The following CCDC146 variants were observed in gnomAD, a reference collection of about 807,000 sequenced individuals.
CCDC146 encodes the protein coiled-coil domain containing 146.
A neutral mutation model predicts 119.3 loss-of-function variants in CCDC146; 92 were observed. That is an observed-to-expected ratio of 0.77 (90% CI 0.65 to 0.92). The LOEUF is 0.92. Ranked by LOEUF, CCDC146 falls within the 40% of genes least tolerant of loss-of-function variation. CCDC146 has a pLI of 0.00. For missense variants in CCDC146, 1,000 were observed against 1,103.0 expected (o/e 0.91, Z 1.32); for synonymous variants, 372 against 371.8 (o/e 1.00, Z -0.01).
chr7:77,241,950 T>C (rs766871549), intron 4 of CCDC146, 50 bp downstream of exon 4: 38 of 1,424,834 alleles, frequency 2.7e-5, no homozygotes, highest in Middle Eastern at 1.9e-4. Flanking sequence ...TCCTCATAAA[T>C]AGAAAAAAAT....
At chr7:77,273,841 T>C (rs1205881072) in intron 10 of CCDC146, 52 bp downstream of exon 10, 2 of 1,249,522 alleles carry the variant, frequency 1.6e-6, no homozygotes, top group Non-Finnish European at 2.3e-6. Flanking sequence ...TCATACAAAG[T>C]TGTGCTTTTA....
At chr7:77,204,154 T>C (rs1026121861) in intron 2 of CCDC146, among the ~76,000 whole-genome samples, 14 of 152,312 alleles carry the variant, frequency 9.2e-5, no homozygotes, top group African/African-American at 1.7e-4. Flanking sequence ...TAGTTTCTGA[T>C]TTATTAAACT....
intron 2 of CCDC146, 71 bp downstream of exon 2, chr7:77,167,895 A>G: frequency 1.3e-6 from 2 of 1,537,318 alleles, no homozygotes; most frequent in African/African-American, 1.4e-5. Flanking sequence ...AAATGAAGCC[A>G]ATATCATTAT....
chr7:77,132,374 G>A (rs1030081317), intron 1 of CCDC146, among the ~76,000 whole-genome samples: 3 of 151,872 alleles, frequency 2.0e-5, no homozygotes, highest in African/African-American at 7.3e-5. Flanking sequence ...AATGCATCAT[G>A]ACCAAGTGGG....
At chr7:77,156,052 C>T (rs1791173659) in intron 1 of CCDC146, among the ~76,000 whole-genome samples, 1 of 152,114 alleles carries the variant, frequency 6.6e-6, no homozygotes, top group South Asian at 2.1e-4. Context: ...AGGAGAAGGC[C>T]TAGAGCTCTC....
At chr7:77,200,853 ACATCT>A (rs1216605588) in intron 2 of CCDC146, among the ~76,000 whole-genome samples, 3 of 152,242 alleles carry the variant, frequency 2.0e-5, no homozygotes, top group African/African-American at 7.2e-5. Flanking sequence ...TTGCATATTG[ACATCT>A]CATAAGATTT....
intron 1 of CCDC146, among the ~76,000 whole-genome samples, chr7:77,141,269 A>G (rs1375899758): frequency 2.0e-5 from 3 of 152,254 alleles, no homozygotes; most frequent in Admixed American, 6.5e-5. Context: ...TTATGGCTGC[A>G]TAGTATTCCA....
chr7:77,234,245 G>A (rs1191747247), intron 2 of CCDC146, among the ~76,000 whole-genome samples: 1 of 87,926 alleles, frequency 1.1e-5, no homozygotes, highest in Non-Finnish European at 2.1e-5. Context: ...GTGTCCATTT[G>A]TAAAGGCTTT....
intron 2 of CCDC146, among the ~76,000 whole-genome samples, chr7:77,234,355 T>G (rs909942432): frequency 2.0e-5 from 3 of 152,140 alleles, no homozygotes; most frequent in Non-Finnish European, 4.4e-5. Flanking sequence ...AAATTATATA[T>G]TGGCTAAAAA....
Position 77,142,255 on chromosome 7 carries a change from T to C in CCDC146, c.-12+19523T>C, listed in dbSNP as rs527793059. Among the ~76,000 whole-genome samples, 10 of 152,232 alleles carry C rather than the reference T, an allele frequency of 6.6e-5. No individual in the cohort carries two copies. In the East Asian group the frequency reaches 1.9e-3, roughly 29 times the overall value. ...GAGAAAGAAAGAAAGGGTATTCAAA[T>C]AGGGAGACAGGGAGTCAAATTGTCT... On this transcript the variant is annotated intron_variant, in intron 1 of 18. Transcript: ENST00000285871.
intron 9 of CCDC146, among the ~76,000 whole-genome samples, chr7:77,263,912 A>G (rs1433709800): frequency 6.6e-6 from 1 of 152,240 alleles, no homozygotes; most frequent in Non-Finnish European, 1.5e-5. Flanking sequence ...CAACAGAGCC[A>G]GACTCCATCT....
At chr7:77,218,098 A>G (rs1584082515) in intron 2 of CCDC146, among the ~76,000 whole-genome samples, 2 of 152,270 alleles carry the variant, frequency 1.3e-5, no homozygotes, top group East Asian at 3.9e-4. Flanking sequence ...ATGTCAGGAC[A>G]ACTACACTGT....
chr7:77,194,704 C>T (rs1272561143), intron 2 of CCDC146: 1 of 151,952 alleles, frequency 6.6e-6, no homozygotes, highest in Non-Finnish European at 1.5e-5. Flanking sequence ...GAAACAGACA[C>T]CAGAAATTAA....
At chr7:77,263,786 T>C (rs982155809) in intron 9 of CCDC146, among the ~76,000 whole-genome samples, 2 of 152,130 alleles carry the variant, frequency 1.3e-5, no homozygotes, top group African/African-American at 4.8e-5. Flanking sequence ...TGGTCGGGTG[T>C]GCTGGTGCAC....
At chr7:77,259,162 C>T (rs1157578339) in intron 7 of CCDC146, 94 bp downstream of exon 7, 24 of 707,222 alleles carry the variant, frequency 3.4e-5, no homozygotes, top group Non-Finnish European at 5.6e-5. Flanking sequence ...CATTAAATTA[C>T]TATGATAATT....
intron 2 of CCDC146, among the ~76,000 whole-genome samples, chr7:77,229,032 G>A (rs2042422045): frequency 1.3e-5 from 2 of 152,288 alleles, no homozygotes; most frequent in Non-Finnish European, 2.9e-5. Context: ...GGTGTGAGAT[G>A]GTGTCTCATT....
intron 5 of CCDC146, among the ~76,000 whole-genome samples, chr7:77,254,769 A>T (rs572655193): frequency 6.6e-6 from 1 of 152,242 alleles, no homozygotes; most frequent in South Asian, 2.1e-4. Context: ...GCAACTTGGC[A>T]TCTAATTTAG....
intron 4 of CCDC146, among the ~76,000 whole-genome samples, chr7:77,249,668 T>G (rs1190132450): frequency 6.6e-6 from 1 of 152,190 alleles, no homozygotes; most frequent in African/African-American, 2.4e-5. Context: ...TCTCTATCCA[T>G]TTACTTTTAA....
At chr7:77,168,785 C>A (rs1169950690) in intron 2 of CCDC146, among the ~76,000 whole-genome samples, 1 of 152,080 alleles carries the variant, frequency 6.6e-6, no homozygotes, top group African/African-American at 2.4e-5. Flanking sequence ...ACGCTAACAT[C>A]TTACCACATT....
Sources: gnomAD v4.1 joint callset for allele counts (sites outside exome capture counted in the v4.1 genomes callset) on GRCh38, gnomAD v4.1.1 for gene constraint, MANE v1.5 for transcripts, NCBI Gene and HGNC (gene_info 2026-07-23, HGNC 2026-07-21) for gene names.